The following UBE2K variants were observed in gnomAD, a reference collection of about 807,000 sequenced individuals.
UBE2K encodes the protein ubiquitin conjugating enzyme E2 K.
Under a neutral mutation model 30.0 loss-of-function variants are expected in UBE2K, and 6 were observed. The observed-to-expected ratio is 0.20, with a 90% CI of 0.11 to 0.39. UBE2K has a LOEUF of 0.39. UBE2K is among the 10% of genes least tolerant of loss of function. UBE2K has a pLI of 1.00. For missense variants in UBE2K, 61 were observed against 241.6 expected, an observed-to-expected ratio of 0.25 and a Z score of 4.96; for synonymous variants, 86 against 83.7, an observed-to-expected ratio of 1.03 and a Z score of -0.15.
At chr4:39,703,001 CT>C (rs535276243) in intron 1 of UBE2K, among the ~76,000 whole-genome samples, 4 of 149,806 alleles carry the variant, frequency 2.7e-5, no homozygotes, top group Admixed American at 2.0e-4. Flanking sequence ...GTAGACAAAA[CT>C]TTTTTTTTTG....
chr4:39,778,362 T>C lies in UBE2K; in HGVS notation c.531T>C (p.Asn177=), dbSNP rs1713403743. 6.2e-7 allele frequency: 1 copy of C among 1,606,598 alleles called. No homozygotes were observed. Among genetic ancestry groups the C allele is most frequent in the African/African-American group, 1.3e-5 (1 of 74,858 alleles). Residue 177 remains asparagine (N), a splice_region_variant and synonymous_variant, in exon 7 of 7, where the codon AAT becomes AAC. Transcript: ENST00000261427. ...ENLCAMGFDR[N]AVIVALSSKS... ...CTGTCCCCTTTTCTTCTCTACAGAA[T>C]GCAGTAATAGTGGCCTTGTCTTCAA...
intron 1 of UBE2K, among the ~76,000 whole-genome samples, chr4:39,706,976 G>A (rs1318552845): frequency 1.3e-5 from 2 of 151,670 alleles, no homozygotes; most frequent in South Asian, 2.1e-4. Flanking sequence ...GCTTTATCTC[G>A]GCTCACTGCA....
intron 1 of UBE2K, among the ~76,000 whole-genome samples, chr4:39,705,911 G>A (rs970056473): frequency 5.0e-5 from 6 of 120,438 alleles, no homozygotes; most frequent in Non-Finnish European, 9.0e-5. Context: ...GTGCAGTGGC[G>A]CGATCTCAGC....
chr4:39,776,234 T>A (rs967600177), intron 5 of UBE2K, among the ~76,000 whole-genome samples: 1 of 152,228 alleles, frequency 6.6e-6, no homozygotes, highest in Non-Finnish European at 1.5e-5. Context: ...TGTGTCTCCT[T>A]TGCTCCTGTT....
chr4:39,776,033 A>G (rs1400481009), intron 5 of UBE2K, among the ~76,000 whole-genome samples: 1 of 152,172 alleles, frequency 6.6e-6, no homozygotes, highest in Non-Finnish European at 1.5e-5. Flanking sequence ...CATTGATAAA[A>G]TGTTTAGGCT....
intron 1 of UBE2K, among the ~76,000 whole-genome samples, chr4:39,711,682 T>C (rs894786660): frequency 1.3e-5 from 2 of 151,972 alleles, no homozygotes; most frequent in African/African-American, 4.8e-5. Flanking sequence ...TATTTTCAGC[T>C]TCTGCCTGAC....
At chr4:39,698,456 C>A in intron 1 of UBE2K, 66 bp downstream of exon 1, 1 of 1,443,844 alleles carries the variant, frequency 6.9e-7, no homozygotes, top group Non-Finnish European at 9.6e-7. Context: ...CCAGCTGCGA[C>A]CCCGATATCC....
chr4:39,736,761 T>G (rs1184878497), intron 1 of UBE2K, among the ~76,000 whole-genome samples: 2 of 152,140 alleles, frequency 1.3e-5, no homozygotes, highest in African/African-American at 4.8e-5. Context: ...AGAAATCTGG[T>G]TTTTTGAAGT....
intron 1 of UBE2K, among the ~76,000 whole-genome samples, chr4:39,716,650 C>T (rs935411037): frequency 1.3e-5 from 2 of 152,138 alleles, no homozygotes; most frequent in Non-Finnish European, 2.9e-5. Flanking sequence ...TGCTTGAGCC[C>T]AGGAGTTTGA....
At chr4:39,770,516 G>GC (rs1449070089) in intron 4 of UBE2K, 11 of 1,604,932 alleles carry the variant, frequency 6.9e-6, no homozygotes, top group East Asian at 2.2e-5. Context: ...GTCCCTGGCT[G>GC]CCCCCCGCCC....
In UBE2K at chr4:39,781,658, G is replaced by A. The variant is rs1474706113; in HGVS notation, c.*3224G>A. On this transcript the variant is annotated 3_prime_UTR_variant, in exon 7 of 7. Transcript: ENST00000261427. ...GTTTTAAAGATTTAAGATGGATTGG[G>A]GTAGGGAACAGCTGGAGCCAGGTAT... 2.9e-6 allele frequency: 1 copy of A among 343,850 alleles called. No homozygotes were observed. The highest frequency in any genetic ancestry group is 5.2e-6 in the Non-Finnish European group (1 of 191,550). 21.3% of individuals were successfully genotyped at this position (343,850 alleles called of 1,614,324 possible).
intron 1 of UBE2K, among the ~76,000 whole-genome samples, chr4:39,703,463 TG>T (rs1404687654): frequency 1.3e-5 from 2 of 152,050 alleles, no homozygotes; most frequent in African/African-American, 4.8e-5. Flanking sequence ...CAGTGAATTG[TG>T]ATCATGTGAC....
At chr4:39,720,717 A>G (rs1245762471) in intron 1 of UBE2K, among the ~76,000 whole-genome samples, 1 of 152,104 alleles carries the variant, frequency 6.6e-6, no homozygotes, top group Non-Finnish European at 1.5e-5. Flanking sequence ...ATAATGGAAA[A>G]ACATTTTATT....
rs142188973 is a variant in UBE2K, at chr4:39,718,537, G to A, written c.64-18883G>A. Among the ~76,000 whole-genome samples, 1,142 of 152,352 alleles carry A rather than the reference G, an allele frequency of 7.5e-3. 6 individuals carry two copies. Among genetic ancestry groups the A allele is most frequent in the Admixed American group, 0.011 (168 of 15,302 alleles). The stretch of plus-strand genomic sequence containing the variant: ...TGCACTCCTCAGCCCTTGGGCAGTC[G>A]ATGGAACTGGGTGCCGTGGAGCAGG... On this transcript the variant is annotated intron_variant, in intron 1 of 6. Coordinates refer to ENST00000261427, the MANE Select transcript of UBE2K (RefSeq NM_005339.5).
chr4:39,772,129 A>C (rs1165378695), intron 4 of UBE2K, among the ~76,000 whole-genome samples: 1 of 152,144 alleles, frequency 6.6e-6, no homozygotes. Context: ...CAGCCACTGC[A>C]CCCAGCCTAA....
intron 1 of UBE2K, among the ~76,000 whole-genome samples, chr4:39,712,368 A>ATT (rs60301036): frequency 1.9e-5 from 1 of 53,634 alleles, no homozygotes; most frequent in Non-Finnish European, 3.3e-5. Flanking sequence ...CGCCCGGCCA[A>ATT]TTTTTTTTTT....
intron 1 of UBE2K, among the ~76,000 whole-genome samples, chr4:39,718,666 T>TG (rs1401889404): frequency 6.6e-6 from 1 of 152,220 alleles, no homozygotes; most frequent in Non-Finnish European, 1.5e-5. Context: ...AGCTAAGGCC[T>TG]GGTGAGAAAT....
chr4:39,740,642 C>T (rs1016960648), intron 2 of UBE2K, among the ~76,000 whole-genome samples: 3 of 151,172 alleles, frequency 2.0e-5, no homozygotes, highest in East Asian at 3.9e-4. Flanking sequence ...GCGGGCAGAT[C>T]ACGAGGTCAG....
At chr4:39,722,344 A>G (rs922201734) in intron 1 of UBE2K, among the ~76,000 whole-genome samples, 1 of 152,180 alleles carries the variant, frequency 6.6e-6, no homozygotes, top group Non-Finnish European at 1.5e-5. Flanking sequence ...GTGATGTTGT[A>G]TACTTCATAT....
Sources: gnomAD v4.1 joint callset for allele counts (sites outside exome capture counted in the v4.1 genomes callset) on GRCh38, gnomAD v4.1.1 for gene constraint, MANE v1.5 for transcripts, NCBI Gene and HGNC (gene_info 2026-07-23, HGNC 2026-07-21) for gene names.